The following GRID2 variants were observed in gnomAD, a reference collection of about 807,000 sequenced individuals.
GRID2 encodes the protein glutamate receptor ionotropic, delta-2.
Under a neutral mutation model 114.8 loss-of-function variants are expected in GRID2, and 33 were observed. The observed-to-expected ratio is 0.29, with a 90% confidence interval of 0.22 to 0.38. The LOEUF is 0.38. Ranked by LOEUF, GRID2 falls within the 10% of genes least tolerant of loss-of-function variation. The pLI is 1.00. For synonymous variants in GRID2, 505 were observed against 449.9 expected (o/e 1.12, Z -1.55); for missense variants, 1,184 against 1,257.7 (o/e 0.94, Z 0.89).
chr4:93,623,553 C>G (rs982773727), intron 13 of GRID2, among the ~76,000 whole-genome samples: 1 of 152,132 alleles, frequency 6.6e-6, no homozygotes, highest in African/African-American at 2.4e-5. Flanking sequence ...TATTGCAGCA[C>G]TATTCACAAT....
intron 1 of GRID2, among the ~76,000 whole-genome samples, chr4:92,373,654 A>G (rs1729220427): frequency 1.3e-5 from 2 of 152,214 alleles, no homozygotes; most frequent in Non-Finnish European, 2.9e-5. Context: ...CCACAAAGGC[A>G]GAGACCATGA....
At chr4:92,610,557 C>T (rs1186332334) in intron 2 of GRID2, among the ~76,000 whole-genome samples, 1 of 151,562 alleles carries the variant, frequency 6.6e-6, no homozygotes, top group Non-Finnish European at 1.5e-5. Flanking sequence ...CTTCCCCCTC[C>T]TTTTCCACTT....
At chr4:92,845,692 GT>G (rs1331069931) in intron 2 of GRID2, among the ~76,000 whole-genome samples, 1 of 152,052 alleles carries the variant, frequency 6.6e-6, no homozygotes, top group Non-Finnish European at 1.5e-5. Flanking sequence ...CAATTTTGTT[GT>G]TGTTGCATGC....
At chr4:92,461,500 T>C (rs1001273895) in intron 1 of GRID2, among the ~76,000 whole-genome samples, 1 of 152,024 alleles carries the variant, frequency 6.6e-6, no homozygotes, top group African/African-American at 2.4e-5. Flanking sequence ...CCCTTCAATA[T>C]GCTTTCTCGA....
intron 11 of GRID2, among the ~76,000 whole-genome samples, chr4:93,478,814 A>G (rs1445678456): frequency 1.3e-5 from 2 of 152,114 alleles, no homozygotes; most frequent in African/African-American, 4.8e-5. Context: ...CATAATGCCT[A>G]TGACATGTAA....
At chr4:93,407,944 T>C (rs2149348299) in intron 9 of GRID2, among the ~76,000 whole-genome samples, 1 of 152,240 alleles carries the variant, frequency 6.6e-6, no homozygotes, top group Non-Finnish European at 1.5e-5. Flanking sequence ...ATATTCAGAC[T>C]AAATATTTTC....
At chr4:92,581,782 G>T (rs1020161153) in intron 1 of GRID2, among the ~76,000 whole-genome samples, 2 of 152,024 alleles carry the variant, frequency 1.3e-5, no homozygotes, top group Admixed American at 6.6e-5. Flanking sequence ...ATTTAAAGGT[G>T]TCTGAATTAT....
chr4:93,067,662 C>A (rs984047019), intron 2 of GRID2, among the ~76,000 whole-genome samples: 1 of 151,636 alleles, frequency 6.6e-6, no homozygotes, highest in African/African-American at 2.4e-5. Flanking sequence ...AAGCTAAGAT[C>A]AAGAAAAAGA....
At chr4:92,636,774 C>A (rs1005714600) in intron 2 of GRID2, among the ~76,000 whole-genome samples, 19 of 152,180 alleles carry the variant, frequency 1.2e-4, no homozygotes, top group African/African-American at 4.1e-4. Flanking sequence ...GCAAATTTGA[C>A]TTCACACATC....
intron 2 of GRID2, among the ~76,000 whole-genome samples, chr4:92,977,216 A>G (rs1179912081): frequency 6.6e-6 from 1 of 152,172 alleles, no homozygotes; most frequent in Non-Finnish European, 1.5e-5. Flanking sequence ...AGTGCGATTA[A>G]CAGGAGAAGT....
chr4:93,513,240 G>T (rs1202207634), intron 12 of GRID2, among the ~76,000 whole-genome samples: 1 of 152,094 alleles, frequency 6.6e-6, no homozygotes. Flanking sequence ...AACGAGTATT[G>T]TTGTTATAAC....
chr4:92,648,125 T>G (rs191956654), intron 2 of GRID2, among the ~76,000 whole-genome samples: 1 of 149,924 alleles, frequency 6.7e-6, no homozygotes, highest in Non-Finnish European at 1.5e-5. Context: ...AAATTCTTTT[T>G]GAGATCTGTA....
At chr4:93,518,016 CATACATGTACATGT>C (rs1729959503) in intron 13 of GRID2, among the ~76,000 whole-genome samples, 1 of 33,452 alleles carries the variant, frequency 3.0e-5, no homozygotes, top group African/African-American at 1.1e-4. Flanking sequence ...TATGTATATA[CATACATGTACATGT>C]ATGTATATAT....
intron 2 of GRID2, among the ~76,000 whole-genome samples, chr4:92,660,381 A>G (rs148873608): frequency 6.6e-6 from 1 of 151,444 alleles, no homozygotes; most frequent in East Asian, 1.9e-4. Context: ...TCCAGTTTAC[A>G]AACTGTCCAA....
At chr4:92,575,030 T>A (rs1018348206) in intron 1 of GRID2, among the ~76,000 whole-genome samples, 11 of 152,320 alleles carry the variant, frequency 7.2e-5, no homozygotes, top group Admixed American at 2.6e-4. Context: ...TTTTTCTCTA[T>A]TCTTGTCTGA....
At chr4:93,576,712 G>A (rs1392645703) in intron 13 of GRID2, among the ~76,000 whole-genome samples, 2 of 151,990 alleles carry the variant, frequency 1.3e-5, no homozygotes, top group Non-Finnish European at 2.9e-5. Context: ...TTCGATACGT[G>A]TGCATTTCCT....
chr4:92,308,333 T>C (rs188606857), intron 1 of GRID2, among the ~76,000 whole-genome samples: 1 of 152,344 alleles, frequency 6.6e-6, no homozygotes, highest in Admixed American at 6.5e-5. Context: ...TCCTCAGTTA[T>C]ACATCTCTAC....
At chr4:93,745,113 A>G (rs886149568) in intron 14 of GRID2, among the ~76,000 whole-genome samples, 10 of 152,214 alleles carry the variant, frequency 6.6e-5, no homozygotes, top group Non-Finnish European at 1.5e-4. Flanking sequence ...GCTTTATTAC[A>G]GTGGTCCTGA....
intron 2 of GRID2, among the ~76,000 whole-genome samples, chr4:93,033,993 A>G (rs1323373669): frequency 6.6e-6 from 1 of 152,214 alleles, no homozygotes; most frequent in Non-Finnish European, 1.5e-5. Flanking sequence ...GAAAAAATAT[A>G]CATCCAAGAT....
Sources: allele counts gnomAD v4.1 joint callset (sites outside exome capture counted in the v4.1 genomes callset), GRCh38; gene constraint gnomAD v4.1.1; transcripts MANE v1.5; gene names NCBI Gene and HGNC (gene_info 2026-07-23, HGNC 2026-07-21).